LINGO2: variants seen among roughly 807,000 people sequenced by gnomAD.
LINGO2 encodes leucine rich repeat and Ig domain containing 2.
A neutral mutation model predicts 30.6 loss-of-function variants in LINGO2; 14 were observed. The observed-to-expected ratio is 0.46, with a 90% CI of 0.30 to 0.72. The LOEUF is 0.72. LINGO2 is among the 30% of genes least tolerant of loss of function. LINGO2 has a pLI of 0.07. For missense variants in LINGO2, 729 were observed against 751.7 expected, an observed-to-expected ratio of 0.97 and a Z score of 0.35; for synonymous variants, 317 against 288.5, an observed-to-expected ratio of 1.10 and a Z score of -1.00.
the LINGO2 span, among the ~76,000 whole-genome samples, chr9:29,047,259 T>G: frequency 6.6e-6 from 1 of 151,802 alleles, no homozygotes; most frequent in African/African-American, 2.4e-5. Flanking sequence ...AACAGACACT[T>G]CTCAAAAGAA....
intron 2 of LINGO2, among the ~76,000 whole-genome samples, chr9:28,444,608 C>T (rs1452792918): frequency 6.6e-6 from 1 of 152,206 alleles, no homozygotes. Flanking sequence ...TCTTTGGACT[C>T]TGTGGTTTCT....
At chr9:28,539,588 G>C (rs900052289) in intron 1 of LINGO2, among the ~76,000 whole-genome samples, 2 of 152,094 alleles carry the variant, frequency 1.3e-5, no homozygotes, top group African/African-American at 4.8e-5. Context: ...TGTGTTACCT[G>C]TTTGAGCTAG....
the LINGO2 span, among the ~76,000 whole-genome samples, chr9:29,028,383 G>A: frequency 7.3e-6 from 1 of 137,122 alleles, no homozygotes; most frequent in Non-Finnish European, 1.5e-5. Flanking sequence ...AACTATCCAT[G>A]TAGAAGACAG....
chr9:28,285,226 T>TATC (rs148814330), intron 4 of LINGO2, among the ~76,000 whole-genome samples: 8,617 of 151,762 alleles, frequency 0.057, 312 homozygotes, highest in East Asian at 0.19. Flanking sequence ...TTATCATCGT[T>TATC]ATCATCATCA....
At chr9:28,843,559 G>T in the LINGO2 span, among the ~76,000 whole-genome samples, 1 of 151,768 alleles carries the variant, frequency 6.6e-6, no homozygotes, top group South Asian at 2.1e-4. Flanking sequence ...TGAAAAATCC[G>T]CATGAGGCAG....
At chr9:28,596,103 T>C (rs770025309) in intron 1 of LINGO2, among the ~76,000 whole-genome samples, 47 of 152,182 alleles carry the variant, frequency 3.1e-4, no homozygotes, top group Non-Finnish European at 4.3e-4. Flanking sequence ...AAGGTCCTAA[T>C]GATAGCATAT....
chr9:28,895,855 T>G, the LINGO2 span, among the ~76,000 whole-genome samples: 3 of 152,030 alleles, frequency 2.0e-5, no homozygotes, highest in Non-Finnish European at 4.4e-5. Flanking sequence ...AAAAACTTCA[T>G]TTTTTAAAAA....
the LINGO2 span, among the ~76,000 whole-genome samples, chr9:28,940,665 T>C: frequency 6.6e-6 from 1 of 152,150 alleles, no homozygotes; most frequent in Non-Finnish European, 1.5e-5. Flanking sequence ...TGTATGTGCA[T>C]ATGTGTGAGA....
chr9:28,598,453 A>AAAC (rs1825307979), intron 1 of LINGO2, among the ~76,000 whole-genome samples: 1 of 143,464 alleles, frequency 7.0e-6, no homozygotes, highest in Admixed American at 7.1e-5. Context: ...ACAAACAAAC[A>AAAC]AAAAAAACGC....
chr9:28,065,957 T>C (rs1008486058), intron 4 of LINGO2, among the ~76,000 whole-genome samples: 2 of 152,022 alleles, frequency 1.3e-5, no homozygotes, highest in Non-Finnish European at 2.9e-5. Flanking sequence ...CACACATGCA[T>C]ATAATGTTCT....
At chr9:28,003,332 T>TAG (rs1822060308) in intron 5 of LINGO2, among the ~76,000 whole-genome samples, 4 of 135,354 alleles carry the variant, frequency 3.0e-5, no homozygotes, top group Non-Finnish European at 6.2e-5. Context: ...ACCATATAGA[T>TAG]ATATAGATAT....
the LINGO2 span, among the ~76,000 whole-genome samples, chr9:28,800,688 A>G: frequency 2.6e-5 from 4 of 152,078 alleles, no homozygotes; most frequent in Non-Finnish European, 4.4e-5. Flanking sequence ...CAAAACTAGC[A>G]GACTGTAGCT....
At chr9:28,161,221 A>G (rs1179775662) in intron 4 of LINGO2, among the ~76,000 whole-genome samples, 2 of 152,160 alleles carry the variant, frequency 1.3e-5, no homozygotes, top group East Asian at 1.9e-4. Flanking sequence ...AGATTTCTCA[A>G]GAAGATCCAG....
chr9:27,966,981 T>C (rs1415814940), intron 5 of LINGO2, among the ~76,000 whole-genome samples: 1 of 152,166 alleles, frequency 6.6e-6, no homozygotes, highest in Non-Finnish European at 1.5e-5. Context: ...GATTGTTCCA[T>C]GAAAAACTGG....
chr9:28,455,089 C>T (rs1824793072), intron 2 of LINGO2, among the ~76,000 whole-genome samples: 2 of 151,910 alleles, frequency 1.3e-5, no homozygotes, highest in African/African-American at 4.8e-5. Flanking sequence ...CTTTCCATTT[C>T]CTGAAGTTTT....
the LINGO2 span, among the ~76,000 whole-genome samples, chr9:28,972,637 C>T: frequency 6.6e-6 from 1 of 152,250 alleles, no homozygotes; most frequent in South Asian, 2.1e-4. Flanking sequence ...TTAGTCTGTT[C>T]TCATGCTGCT....
chr9:29,001,091 A>ATGTGTG, the LINGO2 span, among the ~76,000 whole-genome samples: 51 of 150,792 alleles, frequency 3.4e-4, no homozygotes, highest in Middle Eastern at 3.4e-3. Flanking sequence ...GTATATTTGT[A>ATGTGTG]TGTGTGTGTG....
At chr9:28,706,851 A>T in the LINGO2 span, among the ~76,000 whole-genome samples, 1 of 152,082 alleles carries the variant, frequency 6.6e-6, no homozygotes, top group Non-Finnish European at 1.5e-5. Context: ...GATAGACCTG[A>T]CCTTATCTGC....
chr9:28,965,912 C>T, the LINGO2 span, among the ~76,000 whole-genome samples: 45 of 152,052 alleles, frequency 3.0e-4, no homozygotes, highest in African/African-American at 1.1e-3. Context: ...AATTTAAGTA[C>T]GAATTTGTCT....
Sources: gnomAD v4.1 joint callset for allele counts (sites outside exome capture counted in the v4.1 genomes callset) on GRCh38, gnomAD v4.1.1 for gene constraint, MANE v1.5 for transcripts, NCBI Gene and HGNC (gene_info 2026-07-23, HGNC 2026-07-21) for gene names.